The following COL27A1 variants were observed in gnomAD, a reference collection of about 807,000 sequenced individuals.
The protein encoded by COL27A1 is collagen alpha-1(XXVII) chain.
A neutral mutation model predicts 251.3 loss-of-function variants in COL27A1; 106 were observed. That is an observed-to-expected ratio of 0.42 (90% CI 0.36 to 0.50). COL27A1 has a LOEUF of 0.50. Among genes scored for constraint, COL27A1 ranks in the 20% least tolerant of loss-of-function variants. COL27A1 has a pLI of 0.00. For missense variants in COL27A1, 2,325 were observed against 2,522.8 expected, an observed-to-expected ratio of 0.92 and a Z score of 1.68; for synonymous variants, 1,000 against 986.3, an observed-to-expected ratio of 1.01 and a Z score of -0.26.
intron 2 of COL27A1, among the ~76,000 whole-genome samples, chr9:114,166,398 C>T (rs71495171): frequency 0.056 from 8,105 of 144,366 alleles, 565 homozygotes; most frequent in African/African-American, 0.14. Flanking sequence ...CATCCATCCA[C>T]CCACCCACCT....
rs1306203684 is a variant in COL27A1, at chr9:114,270,799, G to A, written c.3609+18G>A. ...GGCTGAAGGTAAGTGCCCTTTTAGG[G>A]CAGGGCCTGGGGACCCCGGCAGGGC... On this transcript the variant is annotated intron_variant, in intron 36 of 60. Coordinates refer to ENST00000356083, the MANE Select transcript of COL27A1 (RefSeq NM_032888.4). The A allele has an allele frequency of 6.2e-7, 1 of 1,606,104 alleles. No individual in the cohort carries two copies. Among genetic ancestry groups the A allele is most frequent in the African/African-American group, 1.3e-5 (1 of 74,738 alleles).
At chr9:114,156,139 C>G (rs1201952497) in intron 1 of COL27A1, 127 bp downstream of exon 1, 1 of 1,253,444 alleles carries the variant, frequency 8.0e-7, no homozygotes, top group Non-Finnish European at 1.0e-6. Context: ...CCTGCGCCCC[C>G]GCGAGGCGGG....
At position 114,312,000 on chromosome 9, in the gene COL27A1, GAAT is replaced by G. The variant is rs1829478770; in HGVS notation, c.*1312_*1314del. ...AGTGTAAATTTGGGTCAAGGAGACA[GAAT>G]AATAATGGGAATCTCGGAGTTCGAC... On this transcript the variant is annotated 3_prime_UTR_variant, in exon 61 of 61. Transcript: ENST00000356083. The G allele has an allele frequency of 6.6e-6, 1 of 152,200 alleles. No individual in the cohort carries two copies. Among genetic ancestry groups the G allele is most frequent in the African/African-American group, 2.4e-5 (1 of 41,446 alleles). The allele number at this position is 152,200 out of a possible 1,614,324, so 9.4% of individuals were successfully genotyped here.
chr9:114,269,681 A>G (rs1834999002), intron 35 of COL27A1, among the ~76,000 whole-genome samples: 1 of 151,548 alleles, frequency 6.6e-6, no homozygotes, highest in East Asian at 1.9e-4. Flanking sequence ...GGCAGTAAAG[A>G]GAATGATGAG....
intron 4 of COL27A1, among the ~76,000 whole-genome samples, chr9:114,181,349 G>C (rs2135163846): frequency 6.6e-6 from 1 of 152,332 alleles, no homozygotes; most frequent in Admixed American, 6.5e-5. Context: ...TCTGGACACT[G>C]TTCCTTGCCG....
At chr9:114,262,714 G>A (rs1834432513) in intron 28 of COL27A1, among the ~76,000 whole-genome samples, 1 of 152,236 alleles carries the variant, frequency 6.6e-6, no homozygotes, top group East Asian at 1.9e-4. Context: ...GCCTAGGGCT[G>A]GACCCCACAA....
chr9:114,307,385 C>T, intron 58 of COL27A1: 3 of 362,858 alleles, frequency 8.3e-6, no homozygotes, highest in Non-Finnish European at 1.5e-5. Context: ...GACCCAGCCT[C>T]TCTCAATGTC....
intron 7 of COL27A1, among the ~76,000 whole-genome samples, chr9:114,200,831 C>T (rs556049215): frequency 7.9e-5 from 12 of 152,250 alleles, no homozygotes; most frequent in South Asian, 2.1e-4. Context: ...CGGGAGGTAG[C>T]GAAGTTCAGC....
At chr9:114,250,896 G>C (rs1466281843) in intron 25 of COL27A1, among the ~76,000 whole-genome samples, 1 of 152,108 alleles carries the variant, frequency 6.6e-6, no homozygotes, top group Admixed American at 6.5e-5. Flanking sequence ...ACTTTTGTGT[G>C]ACAACCAGCA....
intron 28 of COL27A1, 33 bp downstream of exon 28, chr9:114,258,627 T>C (rs1256833695): frequency 6.2e-7 from 1 of 1,609,270 alleles, no homozygotes. Flanking sequence ...GGGCTGATGC[T>C]GGTGGGAGGG....
intron 14 of COL27A1, among the ~76,000 whole-genome samples, chr9:114,222,846 G>A (rs1831214742): frequency 6.6e-6 from 1 of 152,176 alleles, no homozygotes; most frequent in African/African-American, 2.4e-5. Context: ...GTGAAATAGA[G>A]GTGATAGCAG....
At chr9:114,249,444 G>A (rs529598190) in intron 24 of COL27A1, among the ~76,000 whole-genome samples, 1 of 152,200 alleles carries the variant, frequency 6.6e-6, no homozygotes, top group Non-Finnish European at 1.5e-5. Context: ...GGGAGATCCG[G>A]GCCCTGTTCA....
intron 59 of COL27A1, among the ~76,000 whole-genome samples, chr9:114,308,885 C>T (rs1030354005): frequency 5.3e-5 from 8 of 152,202 alleles, no homozygotes; most frequent in Non-Finnish European, 1.2e-4. Flanking sequence ...TCGAAAACAC[C>T]TCTCATTTCC....
rs376447855 is a variant in COL27A1, at chr9:114,287,481, C to A, written c.3988-974C>A. Among the ~76,000 whole-genome samples, 32 of 152,286 alleles carry A rather than the reference C, an allele frequency of 2.1e-4. No individual in the cohort carries two copies. The East Asian group carries it at 5.8e-3, about 28-fold the overall frequency. ...GCCTGGGGTGGCCATGGCATAAGGACCTCACCTCTAAACTCTGTTCCGCCC... is the reference window on the plus strand; with the variant it reads ...GCCTGGGGTGGCCATGGCATAAGGAACTCACCTCTAAACTCTGTTCCGCCC... On this transcript the variant is annotated intron_variant, in intron 41 of 60. Transcript: ENST00000356083.
chr9:114,186,134 C>A (rs1828321478), intron 5 of COL27A1, among the ~76,000 whole-genome samples: 1 of 152,230 alleles, frequency 6.6e-6, no homozygotes, highest in African/African-American at 2.4e-5. Context: ...CAGAGCCAGG[C>A]CACACCCCAT....
At position 114,307,649 on chromosome 9, in the gene COL27A1, C is replaced by A. The variant is rs765918912; in HGVS notation, c.5108-20C>A. ...CATCCCCCAGATACATACATCACCT[C>A]CATCCCACGCTGCCTGCAGGTACCT... On this transcript the variant is annotated intron_variant, in intron 58 of 60. Transcript: ENST00000356083. 1.6e-5 allele frequency: 25 copies of A among 1,542,776 alleles called. No homozygotes were observed. The East Asian group carries it at 5.6e-4, about 35-fold the overall frequency.
chr9:114,244,840 G>C (rs1833004659), intron 23 of COL27A1, among the ~76,000 whole-genome samples: 1 of 152,190 alleles, frequency 6.6e-6, no homozygotes, highest in Admixed American at 6.5e-5. Flanking sequence ...GTGTGGATTT[G>C]TCCCACAGAT....
chr9:114,230,576 G>C (rs887878843), intron 14 of COL27A1, among the ~76,000 whole-genome samples: 2 of 152,100 alleles, frequency 1.3e-5, no homozygotes, highest in Non-Finnish European at 2.9e-5. Flanking sequence ...ATCAACCCTG[G>C]GATTTCTGGG....
chr9:114,196,043 G>A (rs779565445), intron 7 of COL27A1, 31 bp downstream of exon 7: 36 of 1,602,204 alleles, frequency 2.2e-5, no homozygotes, highest in Middle Eastern at 1.7e-4. Flanking sequence ...TTTGCCTTGC[G>A]CAGTGGGCCT....
Sources: allele counts gnomAD v4.1 joint callset (sites outside exome capture counted in the v4.1 genomes callset), GRCh38; gene constraint gnomAD v4.1.1; transcripts MANE v1.5; gene names NCBI Gene and HGNC (gene_info 2026-07-23, HGNC 2026-07-21).